HNRNPH1: variants seen among roughly 807,000 people sequenced by gnomAD.
The protein encoded by HNRNPH1 is heterogeneous nuclear ribonucleoprotein H1.
Under a neutral mutation model 58.6 loss-of-function variants are expected in HNRNPH1, and 4 were observed. The observed-to-expected ratio is 0.07, with a 90% CI of 0.03 to 0.16. The LOEUF is 0.16. Among genes scored for constraint, HNRNPH1 ranks in the 10% least tolerant of loss-of-function variants. The pLI is 1.00. For missense variants in HNRNPH1, 271 were observed against 564.2 expected (o/e 0.48, Z 5.26); for synonymous variants, 192 against 189.2 (o/e 1.01, Z -0.12).
At chr5:179,614,993 A>AT in intron 12 of HNRNPH1, 34 bp from the exon 14 acceptor site, 1 of 1,181,478 alleles carries the variant, frequency 8.5e-7, no homozygotes. Context: ...GTTAGGAGTA[A>AT]TATCAGACTA....
intron 2 of HNRNPH1, among the ~76,000 whole-genome samples, chr5:179,630,656 A>G (rs1003240653): frequency 7.9e-5 from 12 of 152,166 alleles, no homozygotes; most frequent in Admixed American, 7.2e-4. Context: ...TCACGCCTGT[A>G]ATCCCAGCAC....
At chr5:179,616,055 C>G in intron 11 of HNRNPH1, 71 bp downstream of exon 12, 1 of 1,321,864 alleles carries the variant, frequency 7.6e-7, no homozygotes, top group Non-Finnish European at 1.1e-6. Context: ...TTTACCATAA[C>G]TTACTCTAAG....
exon 10 of HNRNPH1, chr5:179,616,942 T>C: frequency 6.2e-7 from 1 of 1,606,454 alleles, no homozygotes; most frequent in African/African-American, 1.3e-5. Flanking sequence ...TCAAGAAGAG[T>C]TCTACATATC....
At position 179,632,072 on chromosome 5, in the gene HNRNPH1, C is replaced by T. The variant is rs1268004330; in HGVS notation, c.-32+1993G>A. Among the ~76,000 whole-genome samples, 6 of 130,740 alleles carry T rather than the reference C, an allele frequency of 4.6e-5. No individual in the cohort carries two copies. The East Asian group carries it at 1.2e-3, about 27-fold the overall frequency. 85.8% of individuals were successfully genotyped at this position (130,740 alleles called of 152,430 possible). On this transcript the variant is annotated intron_variant, in intron 2 of 4. Coordinates refer to the HNRNPH1 transcript ENST00000521116. ...CTGTAATCCCAGCACTTTGGGAGGC[C>T]GAGGCGGGCGGATCACGAGGTCAGG...
At chr5:179,619,223 T>G in intron 4 of HNRNPH1, 46 bp downstream of exon 5, 1 of 1,497,084 alleles carries the variant, frequency 6.7e-7, no homozygotes. Context: ...GATTTAATTG[T>G]TTACCATAAG....
At chr5:179,615,480 G>GAA (rs1259380618) in intron 12 of HNRNPH1, 66 bp downstream of exon 13, 2 of 887,744 alleles carry the variant, frequency 2.3e-6, no homozygotes, top group African/African-American at 3.4e-5. Flanking sequence ...GACTGCTATA[G>GAA]AAAGCATTAT....
At chr5:179,616,655 C>T (rs1246416447) in intron 10 of HNRNPH1, 2 of 579,404 alleles carry the variant, frequency 3.5e-6, no homozygotes, top group Non-Finnish European at 6.1e-6. Context: ...GTCCCCTCCC[C>T]CAAGACTACT....
intron 10 of HNRNPH1, 157 bp downstream of exon 11, chr5:179,616,712 A>T (rs1769904651): frequency 1.5e-6 from 1 of 662,294 alleles, no homozygotes; most frequent in African/African-American, 1.8e-5. Context: ...ATAACTCACA[A>T]GGATTTAAGT....
At chr5:179,623,982 C>T (rs1433764682) in exon 1 of HNRNPH1, 1 of 152,882 alleles carries the variant, frequency 6.5e-6, no homozygotes, top group East Asian at 1.9e-4. Context: ...CCTTACCCGC[C>T]AGCGTGGGGG....
chr5:179,616,524 C>A (rs1769774559), intron 10 of HNRNPH1: 1 of 513,750 alleles, frequency 1.9e-6, no homozygotes, highest in Non-Finnish European at 3.5e-6. Context: ...AGTGGGTTCC[C>A]CCTCAGTTTG....
chr5:179,616,612 A>C lies in HNRNPH1; in HGVS notation c.1207+257T>G. 9.3e-6 allele frequency: 5 copies of C among 535,406 alleles called. No individual in the cohort carries two copies. In the South Asian group the frequency reaches 1.0e-4, roughly 11 times the overall value. 33.2% of individuals were successfully genotyped at this position (535,406 alleles called of 1,614,324 possible). On this transcript the variant is annotated intron_variant, in intron 10 of 12. Coordinates refer to ENST00000356731, the Ensembl canonical transcript of HNRNPH1. ...CTGTTTTGCTATTGATTTAAACTTT[A>C]TACTTAGAAAATTTAAGTAGTTTCA...
intron 2 of HNRNPH1, chr5:179,633,989 T>A (rs1775059296): frequency 1.4e-5 from 2 of 147,768 alleles, no homozygotes; most frequent in South Asian, 4.4e-4. Flanking sequence ...GGCTTGGTAG[T>A]CACTATGGTG....
chr5:179,620,454 A>G (rs554300511), intron 3 of HNRNPH1, among the ~76,000 whole-genome samples: 4 of 152,362 alleles, frequency 2.6e-5, no homozygotes, highest in African/African-American at 7.2e-5. Context: ...TTTGCATTAA[A>G]GAGAATTAGA....
chr5:179,615,337 G>C, intron 12 of HNRNPH1: 1 of 483,116 alleles, frequency 2.1e-6, no homozygotes. Context: ...AATGGCATTT[G>C]AGAAAAGGGA....
At chr5:179,623,333 T>C in exon 1 of HNRNPH1, 1 of 419,496 alleles carries the variant, frequency 2.4e-6, no homozygotes, top group Non-Finnish European at 4.5e-6. Flanking sequence ...AAAGCTGTCC[T>C]GAGCAACAGC....
upstream of HNRNPH1, among the ~76,000 whole-genome samples, chr5:179,626,451 CTCA>C (rs1774404155): frequency 6.6e-6 from 1 of 151,020 alleles, no homozygotes. Flanking sequence ...ACGCGTGGGG[CTCA>C]TGCCTGTAAT....
intron 4 of HNRNPH1, chr5:179,619,066 G>A: frequency 2.3e-6 from 1 of 442,928 alleles, no homozygotes. Flanking sequence ...AAATTGTCAA[G>A]CAGACCAATT....
chr5:179,631,588 A>C (rs1400732857), intron 2 of HNRNPH1, among the ~76,000 whole-genome samples: 1 of 152,166 alleles, frequency 6.6e-6, no homozygotes, highest in Non-Finnish European at 1.5e-5. Context: ...TCTATTAAAA[A>C]TACAAAAAAT....
chr5:179,623,392 G>A (rs535646319), exon 1 of HNRNPH1: 100 of 281,728 alleles, frequency 3.5e-4, no homozygotes, highest in East Asian at 2.6e-3. Context: ...CAGCGTAGAG[G>A]AAAGGAAATG....
Sources: gnomAD v4.1 joint callset for allele counts (sites outside exome capture counted in the v4.1 genomes callset) on GRCh38, gnomAD v4.1.1 for gene constraint, MANE v1.5 for transcripts, NCBI Gene and HGNC (gene_info 2026-07-23, HGNC 2026-07-21) for gene names.